The following PLSCR2 variants were observed in gnomAD, a reference collection of about 807,000 sequenced individuals.
PLSCR2 encodes phospholipid scramblase 2.
PLSCR2 carries 18 observed loss-of-function variants against 25.3 expected under a neutral mutation model. The ratio of observed to expected loss-of-function variants is 0.71; its 90% CI spans 0.49 to 1.06. The LOEUF (loss-of-function observed/expected upper bound fraction) is 1.06, where lower values mean the gene tolerates loss of function less well. PLSCR2 is among the 50% of genes least tolerant of loss of function. The pLI is 0.00. For synonymous variants in PLSCR2, 88 were observed against 87.3 expected (o/e 1.01, Z -0.04); for missense variants, 243 against 269.5 (o/e 0.90, Z 0.69).
At chr3:146,456,014 C>A (rs1488180438) in intron 3 of PLSCR2, among the ~76,000 whole-genome samples, 4 of 152,146 alleles carry the variant, frequency 2.6e-5, no homozygotes, top group Non-Finnish European at 5.9e-5. Flanking sequence ...TAGAAGATCA[C>A]ATCGGACTCA....
At chr3:146,453,632 A>G (rs2041024930) in intron 5 of PLSCR2, among the ~76,000 whole-genome samples, 3 of 152,176 alleles carry the variant, frequency 2.0e-5, no homozygotes, top group African/African-American at 7.2e-5. Context: ...GAGCACTGGC[A>G]GCCTATATTT....
intron 2 of PLSCR2, among the ~76,000 whole-genome samples, chr3:146,404,556 C>T (rs2038585630): frequency 6.6e-6 from 1 of 152,192 alleles, no homozygotes; most frequent in South Asian, 2.1e-4. Context: ...CATTCCACTT[C>T]TAGCCACCAA....
At chr3:146,486,712 A>G (rs144915663) in intron 1 of PLSCR2, among the ~76,000 whole-genome samples, 1 of 152,214 alleles carries the variant, frequency 6.6e-6, no homozygotes, top group Non-Finnish European at 1.5e-5. Flanking sequence ...GACAAGATAG[A>G]TTTACAGCTG....
chr3:146,464,510 C>G (rs1560034023), upstream of PLSCR2, among the ~76,000 whole-genome samples: 1 of 152,118 alleles, frequency 6.6e-6, no homozygotes, highest in Admixed American at 6.5e-5. Context: ...ACCACTCTTA[C>G]TAAAAAGTAA....
intron 1 of PLSCR2, chr3:146,469,088 C>A: frequency 1.0e-6 from 1 of 980,988 alleles, no homozygotes; most frequent in Non-Finnish European, 1.2e-6. Context: ...TCCTGGCGGA[C>A]TTCATTGAAT....
At chr3:146,454,061 C>T (rs1348251419) in exon 5 of PLSCR2, 4 of 1,609,956 alleles carry the variant, frequency 2.5e-6, no homozygotes, top group South Asian at 1.1e-5. Flanking sequence ...ATTTTTAGTA[C>T]ATCCTCTCTT....
downstream of PLSCR2, among the ~76,000 whole-genome samples, chr3:146,440,890 A>C (rs1036123430): frequency 6.6e-6 from 1 of 152,222 alleles, no homozygotes; most frequent in Non-Finnish European, 1.5e-5. Context: ...GTAAAGATAC[A>C]CATATTTTTT....
intron 5 of PLSCR2, among the ~76,000 whole-genome samples, chr3:146,450,633 C>T (rs1341387804): frequency 6.6e-6 from 1 of 152,184 alleles, no homozygotes; most frequent in African/African-American, 2.4e-5. Context: ...AAAGCATCGT[C>T]TAGGTAGCCT....
intron 6 of PLSCR2, among the ~76,000 whole-genome samples, chr3:146,446,580 C>A (rs1231159474): frequency 6.6e-6 from 1 of 152,162 alleles, no homozygotes; most frequent in East Asian, 1.9e-4. Context: ...TGACCACCAC[C>A]ACTAGAACTG....
At chr3:146,411,061 A>G (rs1465492869) in intron 2 of PLSCR2, among the ~76,000 whole-genome samples, 1 of 152,002 alleles carries the variant, frequency 6.6e-6, no homozygotes, top group Non-Finnish European at 1.5e-5. Context: ...CACCATTCAC[A>G]CAGAATTTAT....
intron 4 of PLSCR2, 74 bp downstream of exon 4, chr3:146,455,165 T>G: frequency 1.0e-6 from 1 of 960,974 alleles, no homozygotes; most frequent in Non-Finnish European, 1.7e-6. Flanking sequence ...TTCATTTGAT[T>G]ATACAGATTC....
At position 146,483,479 on chromosome 3, in the gene PLSCR2, G is replaced by A. The variant is rs1377635347; in HGVS notation, c.-293+12416C>T. 1.4e-3 allele frequency among the ~76,000 whole-genome samples: 79 copies of A among 54,746 alleles called. 1 individual carries two copies. Among genetic ancestry groups the A allele is most frequent in the African/African-American group, 4.5e-3 (53 of 11,856 alleles). 35.9% of individuals were successfully genotyped at this position (54,746 alleles called of 152,430 possible). ...TATATATATATATATATATACATGT[G>A]TATATATATATATATATATATATAT... On this transcript the variant is annotated intron_variant, in intron 1 of 8. Coordinates refer to the PLSCR2 transcript ENST00000336685.
At chr3:146,435,385 C>T (rs2039779998) in intron 8 of PLSCR2, among the ~76,000 whole-genome samples, 1 of 152,188 alleles carries the variant, frequency 6.6e-6, no homozygotes, top group Non-Finnish European at 1.5e-5. Context: ...TACAGTCCCA[C>T]CAACAGTGTA....
At chr3:146,394,818 G>A (rs2038218493) in intron 3 of PLSCR2, among the ~76,000 whole-genome samples, 1 of 152,182 alleles carries the variant, frequency 6.6e-6, no homozygotes. Flanking sequence ...CCCAAGTGGG[G>A]AGGGAGGGAA....
chr3:146,404,178 C>T (rs1038012647), intron 2 of PLSCR2, among the ~76,000 whole-genome samples: 15 of 152,284 alleles, frequency 9.9e-5, no homozygotes, highest in African/African-American at 3.4e-4. Flanking sequence ...CACCATTGCT[C>T]CATCTGTAAG....
intron 3 of PLSCR2, among the ~76,000 whole-genome samples, chr3:146,395,070 C>G (rs1311316465): frequency 6.6e-6 from 1 of 152,106 alleles, no homozygotes; most frequent in Non-Finnish European, 1.5e-5. Flanking sequence ...TATGAATTAC[C>G]CAGTTTCAGG....
chr3:146,416,390 T>C (rs1479359165), intron 2 of PLSCR2: 1 of 152,282 alleles, frequency 6.6e-6, no homozygotes, highest in African/African-American at 2.4e-5. Context: ...ATCTTAATGT[T>C]AAAGTCACAG....
upstream of PLSCR2, among the ~76,000 whole-genome samples, chr3:146,461,141 T>C (rs2041548046): frequency 2.0e-5 from 3 of 152,178 alleles, no homozygotes; most frequent in South Asian, 6.2e-4. Context: ...TAAGCTTATT[T>C]GTATAGTCCG....
At chr3:146,415,255 G>C (rs1436441508) in intron 2 of PLSCR2, 2 of 152,400 alleles carry the variant, frequency 1.3e-5, no homozygotes, top group African/African-American at 4.8e-5. Context: ...TTACATTTAG[G>C]ATATTTAAAG....
Sources: allele counts gnomAD v4.1 joint callset (sites outside exome capture counted in the v4.1 genomes callset), GRCh38; gene constraint gnomAD v4.1.1; transcripts MANE v1.5; gene names NCBI Gene and HGNC (gene_info 2026-07-23, HGNC 2026-07-21).